TENM3: variants seen among roughly 807,000 people sequenced by gnomAD.
TENM3 encodes teneurin-3.
Under a neutral mutation model 255.1 loss-of-function variants are expected in TENM3, and 63 were observed. That is an observed-to-expected ratio of 0.25 (90% CI 0.20 to 0.30). The LOEUF is 0.30. Among genes scored for constraint, TENM3 ranks in the 10% least tolerant of loss-of-function variants. The pLI, the probability that TENM3 is intolerant of heterozygous loss-of-function variation, is 1.00. For synonymous variants in TENM3, 1,306 were observed against 1,322.3 expected (o/e 0.99, Z 0.27); for missense variants, 2,929 against 3,461.1 (o/e 0.85, Z 3.86).
intron 5 of TENM3, among the ~76,000 whole-genome samples, chr4:182,652,458 G>A (rs920243901): frequency 6.6e-6 from 1 of 152,148 alleles, no homozygotes; most frequent in African/African-American, 2.4e-5. Context: ...TCCTTCATAT[G>A]CCCTGTCTAG....
chr4:182,461,778 A>T (rs1483376490), intron 3 of TENM3, among the ~76,000 whole-genome samples: 2 of 152,204 alleles, frequency 1.3e-5, no homozygotes, highest in Non-Finnish European at 2.9e-5. Context: ...AGTGCCTGGC[A>T]CTGGTTGATG....
chr4:181,897,923 G>C, the TENM3 span, among the ~76,000 whole-genome samples: 1 of 152,092 alleles, frequency 6.6e-6, no homozygotes, highest in African/African-American at 2.4e-5. Flanking sequence ...GACTTGCTCT[G>C]CCCTTATTCA....
At chr4:182,321,936 T>G (rs988829970) in intron 1 of TENM3, among the ~76,000 whole-genome samples, 2 of 151,928 alleles carry the variant, frequency 1.3e-5, no homozygotes, top group Non-Finnish European at 2.9e-5. Context: ...CAGAGCGAGA[T>G]TCCGTCTAAA....
chr4:182,386,937 C>T (rs1349825432), intron 3 of TENM3, among the ~76,000 whole-genome samples: 1 of 152,236 alleles, frequency 6.6e-6, no homozygotes, highest in African/African-American at 2.4e-5. Flanking sequence ...GGAGTGCGAG[C>T]ACATGGCGCG....
chr4:181,893,501 C>G, the TENM3 span, among the ~76,000 whole-genome samples: 125 of 110,816 alleles, frequency 1.1e-3, 5 homozygotes, highest in East Asian at 9.5e-3. Flanking sequence ...ACCCCCCCCC[C>G]ACCCCCACCA....
chr4:181,529,910 A>C, the TENM3 span, among the ~76,000 whole-genome samples: 1 of 152,200 alleles, frequency 6.6e-6, no homozygotes, highest in Admixed American at 6.5e-5. Context: ...CAAACTTCCT[A>C]TGTGGCCTTA....
intron 5 of TENM3, among the ~76,000 whole-genome samples, chr4:182,645,747 T>A (rs887363734): frequency 1.1e-4 from 16 of 152,088 alleles, no homozygotes; most frequent in Non-Finnish European, 4.4e-5. Context: ...CAGCTGGTTT[T>A]CCCTATGGAA....
At chr4:182,039,269 G>A in the TENM3 span, among the ~76,000 whole-genome samples, 1 of 152,148 alleles carries the variant, frequency 6.6e-6, no homozygotes, top group Middle Eastern at 3.2e-3. Flanking sequence ...ATACTGATCT[G>A]TGGGCACGGA....
chr4:182,761,537 CATT>C (rs777420889), intron 22 of TENM3, among the ~76,000 whole-genome samples: 1 of 152,122 alleles, frequency 6.6e-6, no homozygotes, highest in Non-Finnish European at 1.5e-5. Flanking sequence ...AACCTTGCAT[CATT>C]GTTATTTCTG....
At chr4:181,670,585 T>C in the TENM3 span, among the ~76,000 whole-genome samples, 1 of 152,194 alleles carries the variant, frequency 6.6e-6, no homozygotes, top group African/African-American at 2.4e-5. Flanking sequence ...CTAGTTTTGC[T>C]GTAGACACAA....
chr4:182,193,215 T>G (rs1753629467), intron 1 of TENM3, among the ~76,000 whole-genome samples: 1 of 152,192 alleles, frequency 6.6e-6, no homozygotes, highest in African/African-American at 2.4e-5. Flanking sequence ...GAAAAATGAA[T>G]GGGGAGAATA....
the TENM3 span, among the ~76,000 whole-genome samples, chr4:182,043,848 T>A: frequency 6.6e-6 from 1 of 152,138 alleles, no homozygotes; most frequent in African/African-American, 2.4e-5. Flanking sequence ...TCTTAGGCAT[T>A]TCGCCTTAGA....
intron 1 of TENM3, among the ~76,000 whole-genome samples, chr4:182,290,596 G>A (rs7698341): frequency 0.22 from 33,459 of 151,208 alleles, 4,227 homozygotes; most frequent in African/African-American, 0.34. Flanking sequence ...TCCATCTCCC[G>A]GGTTCAAGAC....
At chr4:181,547,713 T>C in the TENM3 span, among the ~76,000 whole-genome samples, 18 of 152,266 alleles carry the variant, frequency 1.2e-4, 1 homozygote, top group South Asian at 2.3e-3. Flanking sequence ...TTAGTTATAG[T>C]TAACTTTCTT....
At chr4:182,112,932 G>A in the TENM3 span, among the ~76,000 whole-genome samples, 1 of 152,084 alleles carries the variant, frequency 6.6e-6, no homozygotes, top group Admixed American at 6.6e-5. Flanking sequence ...CTAACAGTCT[G>A]GATGACATGC....
chr4:182,603,133 A>T (rs982077705), intron 4 of TENM3, among the ~76,000 whole-genome samples: 1 of 152,168 alleles, frequency 6.6e-6, no homozygotes, highest in Admixed American at 6.5e-5. Flanking sequence ...TTAAAGAAAG[A>T]AAGTAGTTGG....
the TENM3 span, among the ~76,000 whole-genome samples, chr4:181,567,497 C>A: frequency 1.3e-5 from 2 of 152,146 alleles, no homozygotes; most frequent in African/African-American, 4.8e-5. Context: ...AAATGGATAA[C>A]CTTGTAACTA....
chr4:181,666,007 A>G, the TENM3 span, among the ~76,000 whole-genome samples: 4 of 152,240 alleles, frequency 2.6e-5, no homozygotes, highest in East Asian at 5.8e-4. Flanking sequence ...ACTTCTGTAA[A>G]CTTAATCATG....
At chr4:181,943,306 G>A in the TENM3 span, among the ~76,000 whole-genome samples, 21,215 of 151,930 alleles carry the variant, frequency 0.14, 1,553 homozygotes, top group South Asian at 0.26. Context: ...ACCTGAGCTG[G>A]GTAGTTTCTA....
Sources: gnomAD v4.1 joint callset for allele counts (sites outside exome capture counted in the v4.1 genomes callset) on GRCh38, gnomAD v4.1.1 for gene constraint, MANE v1.5 for transcripts, NCBI Gene and HGNC (gene_info 2026-07-23, HGNC 2026-07-21) for gene names.